The following HOMER2 variants were observed in gnomAD, a reference collection of about 807,000 sequenced individuals.
The protein encoded by HOMER2 is homer scaffold protein 2.
HOMER2 carries 27 observed loss-of-function variants against 47.0 expected under a neutral mutation model. The ratio of observed to expected loss-of-function variants is 0.57; its 90% CI spans 0.42 to 0.79. HOMER2 has a LOEUF of 0.79. Ranked by LOEUF, HOMER2 falls within the 30% of genes least tolerant of loss-of-function variation. HOMER2 has a pLI of 0.00. For synonymous variants in HOMER2, 161 were observed against 163.8 expected, an observed-to-expected ratio of 0.98 and a Z score of 0.13; for missense variants, 443 against 435.0, an observed-to-expected ratio of 1.02 and a Z score of -0.16.
intron 1 of HOMER2, among the ~76,000 whole-genome samples, chr15:82,980,341 G>C (rs2030350945): frequency 6.6e-6 from 1 of 151,994 alleles, no homozygotes; most frequent in African/African-American, 2.4e-5. Context: ...AGGCAACTAG[G>C]GACCATCCCT....
At chr15:82,975,436 T>C (rs1328415655) in intron 1 of HOMER2, among the ~76,000 whole-genome samples, 2 of 152,150 alleles carry the variant, frequency 1.3e-5, no homozygotes, top group African/African-American at 4.8e-5. Context: ...CGGTTCACAA[T>C]AGCTAAAATT....
chr15:82,875,993 G>C (rs1477137438), intron 2 of HOMER2, among the ~76,000 whole-genome samples: 1 of 152,230 alleles, frequency 6.6e-6, no homozygotes, highest in Non-Finnish European at 1.5e-5. Context: ...GCAGCCTGGT[G>C]CTAGCTGTCA....
At chr15:82,892,983 G>T in intron 1 of HOMER2, 142 bp from the exon 2 acceptor site, 1 of 620,874 alleles carries the variant, frequency 1.6e-6, no homozygotes, top group Non-Finnish European at 2.4e-6. Flanking sequence ...TAAAATAAAA[G>T]CAAAGAGAGA....
At chr15:82,966,752 G>A (rs1489148874) in intron 1 of HOMER2, among the ~76,000 whole-genome samples, 1 of 152,138 alleles carries the variant, frequency 6.6e-6, no homozygotes, top group African/African-American at 2.4e-5. Context: ...CAGCATTGTG[G>A]GTTACAGTGA....
chr15:82,864,533 C>A (rs184317880), intron 3 of HOMER2, among the ~76,000 whole-genome samples: 174 of 152,274 alleles, frequency 1.1e-3, no homozygotes, highest in African/African-American at 4.0e-3. Flanking sequence ...TGAAATTTGG[C>A]TATACCACAA....
At chr15:82,889,181 G>C in intron 2 of HOMER2, among the ~76,000 whole-genome samples, 1 of 152,234 alleles carries the variant, frequency 6.6e-6, no homozygotes, top group East Asian at 1.9e-4. Context: ...CTGACCACCT[G>C]TCATCATGGT....
intron 1 of HOMER2, among the ~76,000 whole-genome samples, chr15:82,950,008 C>T (rs1156621254): frequency 1.3e-5 from 2 of 151,984 alleles, no homozygotes; most frequent in African/African-American, 4.8e-5. Flanking sequence ...GGAGGCTACC[C>T]CAGAAGAAGG....
downstream of HOMER2, chr15:82,835,386 A>T (rs1462777466): frequency 6.6e-6 from 1 of 152,360 alleles, no homozygotes; most frequent in African/African-American, 2.4e-5. Flanking sequence ...GGCCTCCCAA[A>T]TGCTGGGGGT....
intron 1 of HOMER2, among the ~76,000 whole-genome samples, chr15:82,932,025 G>A (rs1176758371): frequency 6.6e-6 from 1 of 152,142 alleles, no homozygotes; most frequent in African/African-American, 2.4e-5. Flanking sequence ...ACTGGGTGAG[G>A]GGAAGACAGG....
Position 82,852,197 on chromosome 15 carries a change from G to A in HOMER2, c.707C>T (p.Thr236Met), listed in dbSNP as rs532034212. The A allele has an allele frequency of 9.3e-5, 150 of 1,613,910 alleles. No individual in the cohort carries two copies. In the South Asian group the frequency reaches 1.5e-3, roughly 16 times the overall value. Reference protein sequence around the residue: ...SEINREKEKNTQLKRRIEELE... With the variant: ...SEINREKEKNMQLKRRIEELE... ...CTCCTCGATCCTCCTCTTCAGCTGCGTGTTCTTCTCCTTCTCTCTGTTGAT... is the reference window on the plus strand; with the variant it reads ...CTCCTCGATCCTCCTCTTCAGCTGCATGTTCTTCTCCTTCTCTCTGTTGAT... The change falls in exon 7 of 9, where the codon ACG becomes ATG. Residue 236 changes from threonine (T) to methionine (M), a missense_variant. Transcript: ENST00000450735.
intron 3 of HOMER2, among the ~76,000 whole-genome samples, chr15:82,869,741 A>C (rs551793231): frequency 6.8e-4 from 103 of 152,276 alleles, no homozygotes; most frequent in Admixed American, 1.8e-3. Flanking sequence ...TACAGGCATG[A>C]GCCATCACGC....
chr15:82,980,321 G>T (rs1368445421), intron 1 of HOMER2, among the ~76,000 whole-genome samples: 1 of 152,052 alleles, frequency 6.6e-6, no homozygotes, highest in Non-Finnish European at 1.5e-5. Context: ...TCACCCCAGG[G>T]CCAGGTACCA....
At chr15:82,971,673 C>T (rs2151257835) in intron 1 of HOMER2, among the ~76,000 whole-genome samples, 1 of 152,150 alleles carries the variant, frequency 6.6e-6, no homozygotes, top group East Asian at 1.9e-4. Context: ...GAAACTATGG[C>T]TCTTGCCATT....
intron 1 of HOMER2, among the ~76,000 whole-genome samples, chr15:82,969,565 C>T (rs1410975025): frequency 1.3e-5 from 2 of 152,208 alleles, no homozygotes; most frequent in African/African-American, 2.4e-5. Context: ...GGTTCACATA[C>T]ACCTACTGAC....
Position 82,877,746 on chromosome 15 carries a change from A to C in HOMER2, c.163-2342T>G, listed in dbSNP as rs115125855. Among the ~76,000 whole-genome samples the C allele has an allele frequency of 7.6e-3, 1,150 of 152,282 alleles. 8 individuals are homozygous for C. Among genetic ancestry groups the C allele is most frequent in the African/African-American group, 0.026 (1,083 of 41,548 alleles). On this transcript the variant is annotated intron_variant, in intron 2 of 8. Coordinates refer to ENST00000450735, the MANE Select transcript of HOMER2 (RefSeq NM_004839.4). ...AATGCCAATGTCCATCTGAGTCAGG[A>C]CATTTTACCAAATGTTTTCCATCTG...
chr15:82,896,268 T>G (rs2151109785), intron 1 of HOMER2, among the ~76,000 whole-genome samples: 2 of 151,724 alleles, frequency 1.3e-5, no homozygotes, highest in East Asian at 1.9e-4. Flanking sequence ...AGGGAGGAAG[T>G]GAGGAAAGCA....
intron 1 of HOMER2, among the ~76,000 whole-genome samples, chr15:82,983,824 T>A (rs1482813272): frequency 6.6e-6 from 1 of 151,908 alleles, no homozygotes; most frequent in African/African-American, 2.4e-5. Flanking sequence ...ACTCCTGACC[T>A]CAAGTGATCC....
chr15:82,928,211 C>T (rs903476493), intron 1 of HOMER2, among the ~76,000 whole-genome samples: 2 of 152,166 alleles, frequency 1.3e-5, no homozygotes, highest in Non-Finnish European at 2.9e-5. Context: ...ACTGCTTGGA[C>T]GCAGCTCTCT....
chr15:82,892,534 C>G (rs2052744920), intron 2 of HOMER2, 151 bp downstream of exon 2: 2 of 555,754 alleles, frequency 3.6e-6, no homozygotes, highest in Non-Finnish European at 5.9e-6. Context: ...TTTTTCTTCC[C>G]CATTTACCGT....
Sources: allele counts gnomAD v4.1 joint callset (sites outside exome capture counted in the v4.1 genomes callset), GRCh38; gene constraint gnomAD v4.1.1; transcripts MANE v1.5; gene names NCBI Gene and HGNC (gene_info 2026-07-23, HGNC 2026-07-21).